CSMD1: variants seen among roughly 807,000 people sequenced by gnomAD.
CSMD1 encodes the protein CUB and sushi domain-containing protein 1.
A neutral mutation model predicts 417.5 loss-of-function variants in CSMD1; 213 were observed. That is an observed-to-expected ratio of 0.51 (90% CI 0.46 to 0.57). The LOEUF is 0.57. Ranked by LOEUF, CSMD1 falls within the 20% of genes least tolerant of loss-of-function variation. The pLI is 0.00. For synonymous variants in CSMD1, 2,862 were observed against 1,736.8 expected (o/e 1.65, Z -16.11); for missense variants, 6,923 against 4,529.7 (o/e 1.53, Z -15.17).
chr8:4,087,535 G>A (rs954007807), intron 3 of CSMD1, among the ~76,000 whole-genome samples: 23 of 152,106 alleles, frequency 1.5e-4, no homozygotes, highest in African/African-American at 3.1e-4. Flanking sequence ...AAAGCAAGGC[G>A]AGGCTTTCCC....
intron 5 of CSMD1, among the ~76,000 whole-genome samples, chr8:3,903,928 G>T (rs754828384): frequency 1.3e-5 from 2 of 151,806 alleles, no homozygotes; most frequent in African/African-American, 4.8e-5. Flanking sequence ...GTACCTCTTT[G>T]GTTCACTATT....
chr8:4,580,659 T>C lies in CSMD1; in HGVS notation c.302+56683A>G, dbSNP rs1025983731. On this transcript the variant is annotated intron_variant, in intron 2 of 69. Coordinates refer to ENST00000635120, the MANE Select transcript of CSMD1 (RefSeq NM_033225.6). ...TCACATAAGACATTCTCTTCTACCCTGGCTGAGCAAAATGCACCGCGTCTT... is the reference window on the plus strand; with the variant it reads ...TCACATAAGACATTCTCTTCTACCCCGGCTGAGCAAAATGCACCGCGTCTT... 3.3e-5 allele frequency among the ~76,000 whole-genome samples: 5 copies of C among 152,148 alleles called. No individual in the cohort carries two copies. In the East Asian group the frequency reaches 9.7e-4, roughly 29 times the overall value.
chr8:4,745,296 G>T (rs1810880280), intron 1 of CSMD1, among the ~76,000 whole-genome samples: 1 of 152,090 alleles, frequency 6.6e-6, no homozygotes, highest in African/African-American at 2.4e-5. Context: ...CACTATTGCA[G>T]CCTAATGGAT....
chr8:3,652,229 C>T (rs778882052), intron 7 of CSMD1, among the ~76,000 whole-genome samples: 1 of 151,288 alleles, frequency 6.6e-6, no homozygotes, highest in Non-Finnish European at 1.5e-5. Context: ...GCCATCACCA[C>T]CAGAGCGCCT....
At chr8:3,241,639 A>T (rs190922519) in intron 26 of CSMD1, among the ~76,000 whole-genome samples, 13 of 152,264 alleles carry the variant, frequency 8.5e-5, no homozygotes, top group African/African-American at 2.9e-4. Flanking sequence ...CCTGGGCTGC[A>T]GGCATTCCTT....
chr8:4,409,642 C>CTT (rs61368925), intron 3 of CSMD1, among the ~76,000 whole-genome samples: 2 of 141,848 alleles, frequency 1.4e-5, no homozygotes, highest in Admixed American at 1.4e-4. Context: ...GACTTTTTTT[C>CTT]TTTTTTTTTT....
intron 2 of CSMD1, among the ~76,000 whole-genome samples, chr8:4,504,813 C>A (rs911522460): frequency 5.3e-5 from 8 of 152,178 alleles, no homozygotes; most frequent in African/African-American, 1.9e-4. Context: ...GACATGAACT[C>A]ATTATTTTTT....
At chr8:3,195,831 C>T (rs1295706572) in intron 33 of CSMD1, among the ~76,000 whole-genome samples, 8 of 152,306 alleles carry the variant, frequency 5.3e-5, no homozygotes, top group African/African-American at 1.9e-4. Context: ...GTATCTCCCA[C>T]GTCTTCAAGA....
chr8:4,681,452 C>G (rs887840635), intron 1 of CSMD1, among the ~76,000 whole-genome samples: 16 of 152,170 alleles, frequency 1.1e-4, no homozygotes, highest in African/African-American at 3.6e-4. Flanking sequence ...AGTCACTGGA[C>G]TTTGGTGAAA....
chr8:4,036,953 T>TGG (rs762657339), intron 3 of CSMD1, among the ~76,000 whole-genome samples: 90 of 118,728 alleles, frequency 7.6e-4, no homozygotes, highest in African/African-American at 2.6e-3. Flanking sequence ...TGGGTGAGTG[T>TGG]GGGGTGTGTG....
At chr8:2,963,638 T>C (rs745542498) in intron 59 of CSMD1, among the ~76,000 whole-genome samples, 3 of 152,190 alleles carry the variant, frequency 2.0e-5, no homozygotes, top group Non-Finnish European at 4.4e-5. Flanking sequence ...ACATATAGGA[T>C]TGAACATGAC....
At chr8:4,690,792 G>T (rs758135267) in intron 1 of CSMD1, among the ~76,000 whole-genome samples, 8 of 152,204 alleles carry the variant, frequency 5.3e-5, no homozygotes. Flanking sequence ...TCACTGGTGC[G>T]ATCTCGGCTC....
intron 3 of CSMD1, among the ~76,000 whole-genome samples, chr8:4,064,967 A>G (rs532427334): frequency 2.6e-5 from 4 of 152,260 alleles, no homozygotes; most frequent in African/African-American, 7.2e-5. Flanking sequence ...AACGCTGTGC[A>G]TTCACTAACT....
chr8:3,202,131 G>C (rs539003015), intron 31 of CSMD1, among the ~76,000 whole-genome samples: 8 of 152,220 alleles, frequency 5.3e-5, no homozygotes, highest in South Asian at 2.1e-4. Flanking sequence ...TTGTACCACT[G>C]CACTCCAGCC....
intron 1 of CSMD1, among the ~76,000 whole-genome samples, chr8:4,879,094 A>T (rs1803232732): frequency 6.6e-6 from 1 of 152,054 alleles, no homozygotes; most frequent in Non-Finnish European, 1.5e-5. Flanking sequence ...AAGCTTTGCA[A>T]ACAAACAAAA....
intron 5 of CSMD1, among the ~76,000 whole-genome samples, chr8:3,880,858 C>G (rs561750438): frequency 1.3e-5 from 2 of 152,234 alleles, no homozygotes; most frequent in East Asian, 1.9e-4. Flanking sequence ...TATATTTTTT[C>G]TAATACAAAT....
At chr8:4,985,083 C>T (rs554259637) in intron 1 of CSMD1, among the ~76,000 whole-genome samples, 1 of 152,206 alleles carries the variant, frequency 6.6e-6, no homozygotes, top group East Asian at 1.9e-4. Flanking sequence ...GAGCTGGAGG[C>T]CATTATCCTT....
chr8:4,155,610 G>T (rs982617591), intron 3 of CSMD1, among the ~76,000 whole-genome samples: 18 of 152,152 alleles, frequency 1.2e-4, no homozygotes, highest in Admixed American at 9.8e-4. Flanking sequence ...TAGAGACAAG[G>T]TTTGATTTTT....
intron 10 of CSMD1, among the ~76,000 whole-genome samples, chr8:3,570,251 T>C (rs1216304107): frequency 1.3e-5 from 2 of 152,212 alleles, no homozygotes; most frequent in African/African-American, 4.8e-5. Flanking sequence ...TATACTAGTG[T>C]TAATTCCAAC....
Sources: gnomAD v4.1 joint callset for allele counts (sites outside exome capture counted in the v4.1 genomes callset) on GRCh38, gnomAD v4.1.1 for gene constraint, MANE v1.5 for transcripts, NCBI Gene and HGNC (gene_info 2026-07-23, HGNC 2026-07-21) for gene names.